Variants in GADL1 observed in about 807,000 individuals in gnomAD.
The protein encoded by GADL1 is GAD like acidic amino acid decarboxylase 1.
In GADL1, 71 loss-of-function variants were observed where a neutral mutation model predicts 69.5. The observed-to-expected ratio is 1.02, with a 90% CI of 0.84 to 1.25. GADL1 has a LOEUF of 1.25. Ranked by LOEUF, GADL1 falls within the 50% of genes most tolerant of loss-of-function variation. The probability of loss-of-function intolerance (pLI) is 0.00; values close to 1 mark genes in which losing one functional copy is unlikely to be tolerated. For synonymous variants in GADL1, 254 were observed against 214.4 expected (o/e 1.18, Z -1.62); for missense variants, 737 against 631.8 (o/e 1.17, Z -1.79).
intron 14 of GADL1, among the ~76,000 whole-genome samples, chr3:30,763,721 A>G (rs12639403): frequency 0.44 from 66,829 of 151,856 alleles, 14,725 homozygotes; most frequent in African/African-American, 0.46. Context: ...AGTTTCTCAC[A>G]TTGTAAAGTT....
rs141340541 is a variant in GADL1, at chr3:30,866,669, TC to T, written c.38-4905del. On this transcript the variant is annotated intron_variant, in intron 1 of 14. Transcript: ENST00000282538. ...GTTCCCCTGTGAGAAGAGCAGAGCT[TC>T]CTCCACCATGTTCAGAACGCAAGAT... Among the ~76,000 whole-genome samples, 1,479 of 152,056 alleles carry T rather than the reference TC, an allele frequency of 9.7e-3. 62 individuals carry two copies. The East Asian group carries it at 0.14, about 14-fold the overall frequency.
intron 11 of GADL1, among the ~76,000 whole-genome samples, chr3:30,827,715 A>G (rs1289589984): frequency 2.0e-5 from 3 of 151,934 alleles, no homozygotes; most frequent in Non-Finnish European, 4.4e-5. Flanking sequence ...TGCTTATTAT[A>G]ATTTTAAAAA....
intron 14 of GADL1, among the ~76,000 whole-genome samples, chr3:30,770,680 C>A (rs1438643848): frequency 6.6e-6 from 1 of 152,134 alleles, no homozygotes; most frequent in Non-Finnish European, 1.5e-5. Flanking sequence ...GAGAACTGGT[C>A]TCATCCTGAC....
chr3:30,762,849 C>T (rs1696174030), intron 14 of GADL1, among the ~76,000 whole-genome samples: 1 of 139,498 alleles, frequency 7.2e-6, no homozygotes. Flanking sequence ...GTTAGTCTTT[C>T]TTTTCCTTGC....
At chr3:30,764,312 G>A (rs1200499565) in intron 14 of GADL1, among the ~76,000 whole-genome samples, 1 of 152,060 alleles carries the variant, frequency 6.6e-6, no homozygotes, top group Non-Finnish European at 1.5e-5. Context: ...TGATCTGATA[G>A]ATTCTGGTGT....
At chr3:30,815,572 T>C (rs904610388) in intron 11 of GADL1, among the ~76,000 whole-genome samples, 1 of 152,136 alleles carries the variant, frequency 6.6e-6, no homozygotes, top group Non-Finnish European at 1.5e-5. Context: ...AGAGGGAAAG[T>C]GTAATGAGAA....
chr3:30,815,325 T>A (rs1247407725), intron 11 of GADL1, among the ~76,000 whole-genome samples: 1 of 151,906 alleles, frequency 6.6e-6, no homozygotes. Flanking sequence ...AAGTAGACAG[T>A]TCTCTCTGGT....
intron 1 of GADL1, among the ~76,000 whole-genome samples, chr3:30,889,844 C>T (rs1349477850): frequency 1.3e-5 from 2 of 152,146 alleles, no homozygotes; most frequent in Non-Finnish European, 2.9e-5. Context: ...ATTTCTTATA[C>T]TGCATTCCCT....
Position 30,861,613 on chromosome 3 carries a change from C to G in GADL1, c.190G>C (p.Ala64Pro). The part of the protein sequence containing the change: ...RLIMEEVVLK[A>P]TDVNEKVCEW... Reference sequence around the variant, plus strand: ...TTTACCTTCTCATTGACATCTGTAGCTTTCAAAACCACCTCTTCCATTATT... The same window carrying G: ...TTTACCTTCTCATTGACATCTGTAGGTTTCAAAACCACCTCTTCCATTATT... The change falls in exon 2 of 15, where the codon GCT becomes CCT. Residue 64 changes from alanine (A) to proline (P), a missense_variant. Physicochemically the swap from Ala to Pro is conservative, Grantham distance 27 (BLOSUM62 -1). Coordinates refer to ENST00000282538, the MANE Select transcript of GADL1 (RefSeq NM_207359.3). 2 of 1,547,660 alleles carry G rather than the reference C, an allele frequency of 1.3e-6. No individual in the cohort carries two copies. Among genetic ancestry groups the G allele is most frequent in the South Asian group, 2.4e-5 (2 of 83,180 alleles).
At chr3:30,833,997 A>AT in intron 10 of GADL1, 63 bp from the exon 11 acceptor site, 2 of 1,128,548 alleles carry the variant, frequency 1.8e-6, no homozygotes, top group Non-Finnish European at 2.7e-6. Context: ...AGGCAATGGA[A>AT]TACTATCATT....
intron 11 of GADL1, among the ~76,000 whole-genome samples, chr3:30,808,092 C>T (rs913737116): frequency 6.6e-6 from 1 of 151,844 alleles, no homozygotes; most frequent in African/African-American, 2.4e-5. Flanking sequence ...TGTAAAAGGT[C>T]AGTGTATTAG....
chr3:30,737,366 C>A (rs73056849), intron 14 of GADL1, among the ~76,000 whole-genome samples: 15,489 of 152,062 alleles, frequency 0.1, 885 homozygotes, highest in East Asian at 0.23. Flanking sequence ...ATAAAACAAA[C>A]CAGTGACCTT....
intron 14 of GADL1, among the ~76,000 whole-genome samples, chr3:30,735,312 T>C (rs542711517): frequency 6.6e-6 from 1 of 152,334 alleles, no homozygotes; most frequent in South Asian, 2.1e-4. Flanking sequence ...TCTTCTTCTT[T>C]ACATTGGTGT....
At chr3:30,820,856 T>C (rs1697564614) in intron 11 of GADL1, among the ~76,000 whole-genome samples, 1 of 151,832 alleles carries the variant, frequency 6.6e-6, no homozygotes, top group Non-Finnish European at 1.5e-5. Flanking sequence ...CATGCTGCTA[T>C]AAAGACACAT....
intron 14 of GADL1, among the ~76,000 whole-genome samples, chr3:30,764,978 T>C (rs1052470358): frequency 1.3e-5 from 2 of 152,184 alleles, no homozygotes; most frequent in African/African-American, 2.4e-5. Context: ...CAAGGACAGA[T>C]TGCAGGAAAA....
chr3:30,810,025 T>C (rs564846779), intron 11 of GADL1, among the ~76,000 whole-genome samples: 1 of 152,354 alleles, frequency 6.6e-6, no homozygotes, highest in African/African-American at 2.4e-5. Flanking sequence ...GTGCTTGTGA[T>C]TGAATTTCTG....
At chr3:30,844,286 C>T (rs1698018838) in intron 7 of GADL1, 22 bp from the exon 8 acceptor site, 1 of 1,605,744 alleles carries the variant, frequency 6.2e-7, no homozygotes, top group Non-Finnish European at 8.5e-7. Flanking sequence ...AGATTTGAGA[C>T]TTTCAGTTAT....
chr3:30,881,749 C>T (rs1010348933), intron 1 of GADL1, among the ~76,000 whole-genome samples: 1 of 151,886 alleles, frequency 6.6e-6, no homozygotes, highest in Non-Finnish European at 1.5e-5. Context: ...GAATGCTTGT[C>T]TCCTCCAAAA....
In GADL1 at chr3:30,738,662, G is replaced by A. The variant is rs115351661; in HGVS notation, c.1393-10247C>T. On this transcript the variant is annotated intron_variant, in intron 14 of 14. Coordinates refer to ENST00000282538, the MANE Select transcript of GADL1 (RefSeq NM_207359.3). ...AGTACAATCCCAGGTTCTTCTTTAGGTTCTATGGGCAGTGGTCCAATATTT... is the reference window on the plus strand; with the variant it reads ...AGTACAATCCCAGGTTCTTCTTTAGATTCTATGGGCAGTGGTCCAATATTT... 5.6e-3 allele frequency among the ~76,000 whole-genome samples: 848 copies of A among 152,178 alleles called. 12 individuals carry two copies. The highest frequency in any genetic ancestry group is 0.02 in the African/African-American group (810 of 41,518).
Sources: allele counts gnomAD v4.1 joint callset (sites outside exome capture counted in the v4.1 genomes callset), GRCh38; gene constraint gnomAD v4.1.1; transcripts MANE v1.5; gene names NCBI Gene and HGNC (gene_info 2026-07-23, HGNC 2026-07-21).